FAM83A: variants seen among roughly 807,000 people sequenced by gnomAD.
FAM83A encodes scaffolding CK1 anchoring protein A.
Under a neutral mutation model 24.4 loss-of-function variants are expected in FAM83A, and 21 were observed. The observed-to-expected ratio is 0.86, with a 90% CI of 0.61 to 1.24. The LOEUF is 1.24. FAM83A is among the 50% of genes most tolerant of loss of function. The probability of loss-of-function intolerance (pLI) is 0.00; values close to 1 mark genes in which losing one functional copy is unlikely to be tolerated. For synonymous variants in FAM83A, 270 were observed against 252.4 expected, an observed-to-expected ratio of 1.07 and a Z score of -0.66; for missense variants, 617 against 579.8, an observed-to-expected ratio of 1.06 and a Z score of -0.66.
intron 1 of FAM83A, among the ~76,000 whole-genome samples, chr8:123,186,753 C>G (rs1056627018): frequency 6.6e-6 from 1 of 152,186 alleles, no homozygotes; most frequent in Admixed American, 6.5e-5. Context: ...TCGCTTGAAC[C>G]TGGGAGGCGG....
rs1252052815 is a variant in FAM83A at position 123,183,219 on chromosome 8, G to A, written c.363G>A (p.Trp121Ter). The A allele has an allele frequency of 4.3e-6, 7 of 1,613,544 alleles. No homozygotes were observed. In the South Asian group the frequency reaches 5.5e-5, roughly 13 times the overall value. Reference sequence around the variant, plus strand: ...GCGAGCCGGCCCTACTGCACAGCTGGGCCTCAGCTGAGAAGCCCTACCTGA... The same window carrying A: ...GCGAGCCGGCCCTACTGCACAGCTGAGCCTCAGCTGAGAAGCCCTACCTGA... The change falls in exon 1 of 4, where the codon TGG becomes TGA. Residue 121 changes from tryptophan (W) to a stop codon, truncating the protein, a stop_gained. Coordinates refer to ENST00000690554, the Ensembl canonical transcript of FAM83A. LOFTEE classifies it high-confidence loss of function.
In FAM83A at chr8:123,209,100, G is replaced by A. The variant is rs1824653421; in HGVS notation, c.*1412G>A. 1 of 1,031,254 alleles carries A rather than the reference G, an allele frequency of 9.7e-7. No individual in the cohort carries two copies. 63.9% of individuals were successfully genotyped at this position (1,031,254 alleles called of 1,614,324 possible). ...GGTGTGATAGTGGGGTCAGTGGTAT[G>A]TGATCCAGGCTGGGGAGCCAGAGGG... On this transcript the variant is annotated 3_prime_UTR_variant, in exon 4 of 4. Coordinates refer to ENST00000690554, the Ensembl canonical transcript of FAM83A. This position sits in a 1 kb window ranked among gnomAD's most constrained non-coding sequence, Gnocchi z 4.7.
intron 3 of FAM83A, among the ~76,000 whole-genome samples, chr8:123,199,185 G>A (rs775124934): frequency 5.3e-5 from 8 of 152,154 alleles, no homozygotes; most frequent in Non-Finnish European, 7.3e-5. Context: ...ATACTTCGCT[G>A]CTGGGCATCT....
chr8:123,198,799 G>A (rs376509576), intron 3 of FAM83A, among the ~76,000 whole-genome samples: 3 of 152,132 alleles, frequency 2.0e-5, no homozygotes, highest in African/African-American at 4.8e-5. Flanking sequence ...TGGTGGTGGC[G>A]TGATCTCGGC....
At chr8:123,205,072 A>G (rs1824495214) in intron 3 of FAM83A, among the ~76,000 whole-genome samples, 1 of 152,098 alleles carries the variant, frequency 6.6e-6, no homozygotes. Context: ...AGATCACGCC[A>G]CTGCACTCCA....
intron 3 of FAM83A, chr8:123,200,080 A>G (rs1371117141): frequency 6.6e-6 from 1 of 152,506 alleles, no homozygotes; most frequent in Non-Finnish European, 1.5e-5. Flanking sequence ...AAACTTCCCT[A>G]CGAAAGTAGA....
At chr8:123,188,177 T>G (rs1823865347) in intron 1 of FAM83A, among the ~76,000 whole-genome samples, 1 of 151,924 alleles carries the variant, frequency 6.6e-6, no homozygotes, top group African/African-American at 2.4e-5. Flanking sequence ...ACGCTTCTGG[T>G]AGCTCCAGGC....
exon 2 of FAM83A, chr8:123,191,853 C>T: frequency 6.2e-7 from 1 of 1,614,168 alleles, no homozygotes; most frequent in Non-Finnish European, 8.5e-7. Flanking sequence ...TCTTCTGTGA[C>T]ATTCTAGAGG....
intron 3 of FAM83A, among the ~76,000 whole-genome samples, chr8:123,194,635 C>A (rs1227737621): frequency 1.3e-5 from 2 of 152,104 alleles, no homozygotes; most frequent in African/African-American, 4.8e-5. Flanking sequence ...AGGCACCCGC[C>A]ACCACGCCCA....
At chr8:123,183,218 G>T in exon 1 of FAM83A, 5 of 1,613,530 alleles carry the variant, frequency 3.1e-6, no homozygotes, top group Non-Finnish European at 4.2e-6. Flanking sequence ...CTGCACAGCT[G>T]GGCCTCAGCT....
intron 1 of FAM83A, among the ~76,000 whole-genome samples, chr8:123,187,604 A>G (rs1823848330): frequency 6.6e-6 from 1 of 152,242 alleles, no homozygotes; most frequent in Non-Finnish European, 1.5e-5. Flanking sequence ...TTAATAGTAA[A>G]GAACTATTTC....
In FAM83A at chr8:123,196,478, A is replaced by G. The variant is rs891622886; in HGVS notation, c.773+2330A>G. 7.9e-5 allele frequency among the ~76,000 whole-genome samples: 12 copies of G among 152,016 alleles called. No homozygotes were observed. The East Asian group carries it at 2.3e-3, about 29-fold the overall frequency. ...TTTGCAGTTGAATGGAGAGGTTTTCATATTACTTCTTTTTTAGATAGCTCC... is the reference window on the plus strand; with the variant it reads ...TTTGCAGTTGAATGGAGAGGTTTTCGTATTACTTCTTTTTTAGATAGCTCC... On this transcript the variant is annotated intron_variant, in intron 3 of 3. Transcript: ENST00000690554.
At chr8:123,200,190 C>G (rs904906528) in intron 3 of FAM83A, among the ~76,000 whole-genome samples, 8 of 88,226 alleles carry the variant, frequency 9.1e-5, no homozygotes, top group African/African-American at 4.0e-4. Flanking sequence ...AACAAAACCT[C>G]TCTTTCATAT....
intron 3 of FAM83A, among the ~76,000 whole-genome samples, chr8:123,196,695 A>C (rs1230870620): frequency 6.6e-6 from 1 of 152,190 alleles, no homozygotes; most frequent in Non-Finnish European, 1.5e-5. Context: ...GTTCCTATTA[A>C]GTTCGTCAAG....
intron 1 of FAM83A, among the ~76,000 whole-genome samples, chr8:123,186,240 C>T (rs72722029): frequency 0.031 from 4,764 of 152,236 alleles, 112 homozygotes; most frequent in Non-Finnish European, 0.047. Context: ...AACACACACA[C>T]GAATGCACAC....
At chr8:123,207,474 C>T (rs1349952411) in exon 4 of FAM83A, 1 of 1,587,986 alleles carries the variant, frequency 6.3e-7, no homozygotes, top group Non-Finnish European at 8.5e-7. Flanking sequence ...CCACACCCGC[C>T]TCCACCGCCC....
rs148011353 is a variant in FAM83A at position 123,183,112 on chromosome 8, G to T, written c.256G>T (p.Gly86Ter). The stretch of plus-strand genomic sequence containing the variant: ...GCCCCCGTGTCCCCCAGACACCCTG[G>T]GAGGGGCGGAAGCAGGCCCTAAGGG... The change falls in exon 1 of 4, where the codon GGA becomes TGA. Residue 86 changes from glycine to a stop codon, truncating the protein, a stop_gained. Coordinates refer to ENST00000690554, the Ensembl canonical transcript of FAM83A. LOFTEE classifies it high-confidence loss of function. 7,648 of 1,613,966 alleles carry T rather than the reference G, an allele frequency of 4.7e-3. 23 individuals are homozygous for T. Among genetic ancestry groups the T allele is most frequent in the Non-Finnish European group, 5.5e-3 (6,506 of 1,179,980 alleles).
At chr8:123,193,014 C>A (rs1042109531) in intron 2 of FAM83A, 1 of 152,368 alleles carries the variant, frequency 6.6e-6, no homozygotes, top group African/African-American at 2.4e-5. Flanking sequence ...CTTCCCAGGA[C>A]CTGCCAAGCC....
At position 123,209,162 on chromosome 8, in the gene FAM83A, A is replaced by G; in HGVS notation, c.*1474A>G. ...AACTCCACATCCTTCTCCTGTTTCT[A>G]GGCCCTCTCCTCCCTTGTCGGTTTT... On this transcript the variant is annotated 3_prime_UTR_variant, in exon 4 of 4. Coordinates refer to ENST00000690554, the Ensembl canonical transcript of FAM83A. This position sits in a 1 kb window ranked among gnomAD's most constrained non-coding sequence, Gnocchi z 4.7. The G allele has an allele frequency of 9.1e-7, 1 of 1,102,704 alleles. No homozygotes were observed. The highest frequency in any genetic ancestry group is 1.1e-6 in the Non-Finnish European group (1 of 908,240). 68.3% of individuals were successfully genotyped at this position (1,102,704 alleles called of 1,614,324 possible). A position where few individuals can be genotyped will look rare whatever the true frequency, so the allele number is the denominator to read the frequency against.
Sources: gnomAD v4.1 joint callset for allele counts (sites outside exome capture counted in the v4.1 genomes callset) on GRCh38, gnomAD v4.1.1 for gene constraint, Gnocchi (gnomAD v3.1) non-coding constraint, MANE v1.5 for transcripts, NCBI Gene and HGNC (gene_info 2026-07-23, HGNC 2026-07-21) for gene names.